Variants in SLC20A2 observed in about 807,000 individuals in gnomAD.
SLC20A2 encodes sodium-dependent phosphate transporter 2.
A neutral mutation model predicts 61.0 loss-of-function variants in SLC20A2; 30 were observed. The ratio of observed to expected loss-of-function variants is 0.49; its 90% CI spans 0.37 to 0.67. SLC20A2 has a LOEUF of 0.67. Ranked by LOEUF, SLC20A2 falls within the 30% of genes least tolerant of loss-of-function variation. The pLI is 0.00. For synonymous variants in SLC20A2, 351 were observed against 353.3 expected (o/e 0.99, Z 0.07); for missense variants, 626 against 866.4 (o/e 0.72, Z 3.48).
intron 1 of SLC20A2, among the ~76,000 whole-genome samples, chr8:42,532,104 G>A (rs1812370415): frequency 6.6e-6 from 1 of 151,984 alleles, no homozygotes; most frequent in African/African-American, 2.4e-5. Context: ...TGGTATTACA[G>A]GTGTGAGCCA....
rs1035773340 is a variant in SLC20A2 at position 42,416,669 on chromosome 8, G to A, written c.*1134C>T. On this transcript the variant is annotated 3_prime_UTR_variant, in exon 11 of 11. Transcript: ENST00000520262. Reference sequence around the variant, plus strand: ...TCCAATGGGATGGAGTAGAGCCTGGGGGTGTCCAGCTTTGTGTGGGCCTCA... The same window carrying A: ...TCCAATGGGATGGAGTAGAGCCTGGAGGTGTCCAGCTTTGTGTGGGCCTCA... The A allele has an allele frequency of 6.6e-6, 1 of 152,584 alleles. No individual in the cohort carries two copies. The highest frequency in any genetic ancestry group is 2.4e-5 in the African/African-American group (1 of 41,400). 9.5% of individuals were successfully genotyped at this position (152,584 alleles called of 1,614,324 possible). A position where few individuals can be genotyped will look rare whatever the true frequency, so the allele number is the denominator to read the frequency against.
At chr8:42,435,603 C>A (rs1004656351) in intron 8 of SLC20A2, among the ~76,000 whole-genome samples, 2 of 152,086 alleles carry the variant, frequency 1.3e-5, no homozygotes, top group Non-Finnish European at 2.9e-5. Flanking sequence ...CTGCTTCCTA[C>A]ACACCAGGCC....
At chr8:42,446,865 C>G (rs1275965960) in intron 5 of SLC20A2, among the ~76,000 whole-genome samples, 1 of 151,632 alleles carries the variant, frequency 6.6e-6, no homozygotes, top group East Asian at 1.9e-4. Context: ...AAGTAAAAAA[C>G]AAAATATAAA....
intron 1 of SLC20A2, among the ~76,000 whole-genome samples, chr8:42,494,067 G>A (rs10958717): frequency 1.3e-5 from 2 of 151,970 alleles, no homozygotes; most frequent in Admixed American, 6.6e-5. Context: ...CGCTCAAGCT[G>A]GGGGAGTCAA....
In SLC20A2 at chr8:42,533,654, CT is replaced by C. The variant is rs1162369065; in HGVS notation, c.-265+8166del. 0.015 allele frequency among the ~76,000 whole-genome samples: 810 copies of C among 55,318 alleles called. 23 individuals are homozygous for C. The East Asian group carries it at 0.19, about 13-fold the overall frequency. The allele number at this position is 55,318 out of a possible 152,430, so 36.3% of individuals were successfully genotyped here. The stretch of plus-strand genomic sequence containing the variant: ...TTAATGGCCTTAATGATCAACTGTT[CT>C]TTTTTTTTTTTTTTTTTTTTTGAGA... On this transcript the variant is annotated intron_variant, in intron 1 of 10. Transcript: ENST00000342228.
chr8:42,441,410 C>A (rs1279244379), intron 6 of SLC20A2, among the ~76,000 whole-genome samples: 1 of 151,740 alleles, frequency 6.6e-6, no homozygotes, highest in Non-Finnish European at 1.5e-5. Context: ...CCTCGGCCTC[C>A]CAAAGTGCTG....
In SLC20A2 at chr8:42,529,797, A is replaced by G. The variant is rs1357761625; in HGVS notation, c.-265+12024T>C. ...AGCTTAAACTAAGCTTTGGATATTA[A>G]TGCACCAAGTCTCCCTGTCTATGGG... On this transcript the variant is annotated intron_variant, in intron 1 of 10. Transcript: ENST00000342228. Among the ~76,000 whole-genome samples the G allele has an allele frequency of 2.6e-5, 4 of 152,350 alleles. No homozygotes were observed. In the East Asian group the frequency reaches 5.8e-4, roughly 22 times the overall value.
chr8:42,487,292 C>T (rs976252163), intron 1 of SLC20A2, among the ~76,000 whole-genome samples: 73 of 151,602 alleles, frequency 4.8e-4, no homozygotes, highest in African/African-American at 1.7e-3. Flanking sequence ...ATTCTCCTGC[C>T]TCAGCCTCCC....
chr8:42,533,368 C>A (rs1164035536), intron 1 of SLC20A2, among the ~76,000 whole-genome samples: 1 of 152,116 alleles, frequency 6.6e-6, no homozygotes, highest in East Asian at 1.9e-4. Context: ...GTAATCCCAG[C>A]ACTTTGGGAG....
chr8:42,496,461 ATGAATAGGGGACT>A (rs1277124795), intron 1 of SLC20A2, among the ~76,000 whole-genome samples: 1 of 152,202 alleles, frequency 6.6e-6, no homozygotes, highest in Non-Finnish European at 1.5e-5. Context: ...GAGCAGAGAG[ATGAATAGGGGACT>A]CCTAGGAGTA....
At chr8:42,421,877 T>A (rs956310281) in intron 10 of SLC20A2, among the ~76,000 whole-genome samples, 15 of 152,000 alleles carry the variant, frequency 9.9e-5, no homozygotes, top group Non-Finnish European at 1.9e-4. Flanking sequence ...TTTTTTTTTT[T>A]AAGTGGATTG....
In SLC20A2 at chr8:42,417,718, GTGTATGTGCGGCACGAGCACACA is replaced by G; in HGVS notation, c.*62_*84del. 6.9e-7 allele frequency: 1 copy of G among 1,441,000 alleles called. No individual in the cohort carries two copies. Among genetic ancestry groups the G allele is most frequent in the Admixed American group, 1.7e-5 (1 of 58,444 alleles). 89.3% of individuals were successfully genotyped at this position (1,441,000 alleles called of 1,614,324 possible). A position where few individuals can be genotyped will look rare whatever the true frequency, so the allele number is the denominator to read the frequency against. On this transcript the variant is annotated 3_prime_UTR_variant, in exon 11 of 11. Coordinates refer to ENST00000520262, the MANE Select transcript of SLC20A2 (RefSeq NM_001257180.2). Reference sequence around the variant, plus strand: ...TGAGAGAGCCGTGCACGGCCAGGATGTGTATGTGCGGCACGAGCACACATGTCTCCCACACGCCAACACCAGAC... The same window carrying G: ...TGAGAGAGCCGTGCACGGCCAGGATGTGTCTCCCACACGCCAACACCAGAC...
chr8:42,528,461 C>CAA (rs202206274), intron 1 of SLC20A2, among the ~76,000 whole-genome samples: 1 of 124,772 alleles, frequency 8.0e-6, no homozygotes, highest in Admixed American at 8.1e-5. Context: ...GACTCCATCT[C>CAA]AAAAAAAAAA....
chr8:42,518,643 A>G (rs1811466051), intron 1 of SLC20A2, among the ~76,000 whole-genome samples: 1 of 152,236 alleles, frequency 6.6e-6, no homozygotes, highest in African/African-American at 2.4e-5. Flanking sequence ...TTACAAGTAA[A>G]TAGTTTTACA....
chr8:42,473,179 G>T (rs576400227), intron 1 of SLC20A2, among the ~76,000 whole-genome samples: 45 of 152,300 alleles, frequency 3.0e-4, no homozygotes, highest in Middle Eastern at 3.4e-3. Context: ...TTACAGGCCT[G>T]GCGAGAGGTC....
intron 5 of SLC20A2, among the ~76,000 whole-genome samples, chr8:42,451,404 TAGA>T (rs1805633806): frequency 2.1e-5 from 2 of 94,128 alleles, no homozygotes; most frequent in Admixed American, 1.2e-4. Flanking sequence ...GAGGAAGAGA[TAGA>T]GGAGAAGGAG....
At chr8:42,443,994 C>T (rs1177570123) in intron 6 of SLC20A2, among the ~76,000 whole-genome samples, 1 of 152,174 alleles carries the variant, frequency 6.6e-6, no homozygotes, top group Non-Finnish European at 1.5e-5. Flanking sequence ...GCTGCGTGGT[C>T]GTCCATCGCA....
At chr8:42,429,992 A>C (rs1328785205) in intron 9 of SLC20A2, 72 bp downstream of exon 9, 3 of 1,373,088 alleles carry the variant, frequency 2.2e-6, no homozygotes, top group Non-Finnish European at 3.0e-6. Flanking sequence ...GGCCGTTCAG[A>C]CACAGCCGGG....
At chr8:42,451,482 G>A (rs1482009198) in intron 5 of SLC20A2, among the ~76,000 whole-genome samples, 7 of 150,012 alleles carry the variant, frequency 4.7e-5, no homozygotes, top group African/African-American at 1.7e-4. Flanking sequence ...AAGAGGAGGA[G>A]GAAGAGATGG....
Sources: allele counts gnomAD v4.1 joint callset (sites outside exome capture counted in the v4.1 genomes callset), GRCh38; gene constraint gnomAD v4.1.1; transcripts MANE v1.5; gene names NCBI Gene and HGNC (gene_info 2026-07-23, HGNC 2026-07-21).